The following GABRG3 variants were observed in gnomAD, a reference collection of about 807,000 sequenced individuals.
The protein encoded by GABRG3 is gamma-aminobutyric acid type A receptor subunit gamma3.
GABRG3 carries 25 observed loss-of-function variants against 48.8 expected under a neutral mutation model. That is an observed-to-expected ratio of 0.51 (90% CI 0.37 to 0.72). The LOEUF (loss-of-function observed/expected upper bound fraction) is 0.72, where lower values mean the gene tolerates loss of function less well. Ranked by LOEUF, GABRG3 falls within the 30% of genes least tolerant of loss-of-function variation. GABRG3 has a pLI of 0.00. For synonymous variants in GABRG3, 227 were observed against 217.6 expected (o/e 1.04, Z -0.38); for missense variants, 394 against 577.9 (o/e 0.68, Z 3.26).
intron 3 of GABRG3, among the ~76,000 whole-genome samples, chr15:27,049,370 A>C (rs77810095): frequency 6.6e-6 from 1 of 152,152 alleles, no homozygotes. Flanking sequence ...GAATTTCACT[A>C]TCTTCCTGGA....
intron 3 of GABRG3, among the ~76,000 whole-genome samples, chr15:27,124,615 T>C (rs939817826): frequency 2.6e-5 from 4 of 152,218 alleles, no homozygotes; most frequent in Non-Finnish European, 4.4e-5. Flanking sequence ...TTCCTGGTAA[T>C]GCCTCAGTCT....
intron 3 of GABRG3, among the ~76,000 whole-genome samples, chr15:27,042,003 T>G (rs1264966198): frequency 6.6e-6 from 1 of 152,198 alleles, no homozygotes; most frequent in African/African-American, 2.4e-5. Flanking sequence ...AATGCAGGTC[T>G]CCTCTTTTAG....
At chr15:27,267,798 T>C (rs1890967651) in intron 3 of GABRG3, among the ~76,000 whole-genome samples, 1 of 152,188 alleles carries the variant, frequency 6.6e-6, no homozygotes, top group African/African-American at 2.4e-5. Flanking sequence ...ATGCTTTCCT[T>C]TTTTAGTTTA....
chr15:27,051,839 G>A (rs1896460740), intron 3 of GABRG3, among the ~76,000 whole-genome samples: 1 of 152,272 alleles, frequency 6.6e-6, no homozygotes. Context: ...TTGTTTTCTA[G>A]CAATTAGATG....
At chr15:27,245,386 CTTAA>C (rs1453706972) in intron 3 of GABRG3, among the ~76,000 whole-genome samples, 2 of 152,058 alleles carry the variant, frequency 1.3e-5, no homozygotes, top group Non-Finnish European at 2.9e-5. Context: ...ATGTCTAGTA[CTTAA>C]TTAATTTTAG....
At chr15:26,991,036 C>G (rs1234678607) in intron 2 of GABRG3, among the ~76,000 whole-genome samples, 1 of 152,050 alleles carries the variant, frequency 6.6e-6, no homozygotes, top group East Asian at 1.9e-4. Context: ...AACTCCTGAC[C>G]TCGTGATCCA....
chr15:27,274,806 C>T (rs1891203351), intron 3 of GABRG3, among the ~76,000 whole-genome samples: 1 of 152,184 alleles, frequency 6.6e-6, no homozygotes, highest in East Asian at 1.9e-4. Context: ...ATTATTATAT[C>T]ATCCTACCTA....
At chr15:26,999,343 A>C (rs1054347886) in intron 2 of GABRG3, among the ~76,000 whole-genome samples, 3 of 152,274 alleles carry the variant, frequency 2.0e-5, no homozygotes, top group African/African-American at 7.2e-5. Context: ...ATGGATTTTG[A>C]TATAGACAGA....
At chr15:27,159,624 T>C (rs1050418383) in intron 3 of GABRG3, among the ~76,000 whole-genome samples, 1 of 152,148 alleles carries the variant, frequency 6.6e-6, no homozygotes, top group African/African-American at 2.4e-5. Flanking sequence ...TCAGCTACAT[T>C]GATGCCTCCT....
At chr15:27,257,106 A>G (rs1178020084) in intron 3 of GABRG3, among the ~76,000 whole-genome samples, 3 of 152,184 alleles carry the variant, frequency 2.0e-5, no homozygotes. Context: ...GATCATAATC[A>G]TTCTAACTGT....
chr15:27,494,093 T>A (rs57505876), intron 6 of GABRG3, among the ~76,000 whole-genome samples: 5,008 of 152,184 alleles, frequency 0.033, 284 homozygotes, highest in African/African-American at 0.11. Flanking sequence ...GTTGCATTGA[T>A]CGATTTTCAA....
At chr15:27,056,786 T>C (rs1896556387) in intron 3 of GABRG3, among the ~76,000 whole-genome samples, 1 of 152,180 alleles carries the variant, frequency 6.6e-6, no homozygotes, top group Non-Finnish European at 1.5e-5. Context: ...CTGCAATAAA[T>C]GGAACTCGTT....
intron 3 of GABRG3, among the ~76,000 whole-genome samples, chr15:27,205,197 A>G (rs1285479017): frequency 6.6e-6 from 1 of 152,104 alleles, no homozygotes; most frequent in Non-Finnish European, 1.5e-5. Flanking sequence ...TGGATTTGTC[A>G]TAGATGGCTG....
rs776826292 is a variant in GABRG3, at chr15:27,026,761, G to T, written c.210G>T (p.Pro70=). ...ATGTATTTTTCTCCACAGTAAAACCGACCGTAATTGACGTTGACATTTATG... is the reference window on the plus strand; with the variant it reads ...ATGTATTTTTCTCCACAGTAAAACCTACCGTAATTGACGTTGACATTTATG... ...KKLRPDIGIK[P]TVIDVDIYVN... Residue 70 remains proline, a synonymous_variant, in exon 3 of 10, where the codon CCG becomes CCT. Transcript: ENST00000615808. The T allele has an allele frequency of 6.2e-7, 1 of 1,610,952 alleles. No individual in the cohort carries two copies. The highest frequency in any genetic ancestry group is 8.5e-7 in the Non-Finnish European group (1 of 1,178,882).
intron 3 of GABRG3, among the ~76,000 whole-genome samples, chr15:27,113,756 A>G (rs1406810090): frequency 6.6e-6 from 1 of 152,136 alleles, no homozygotes; most frequent in African/African-American, 2.4e-5. Context: ...ATAGTCTCCT[A>G]GATGACTGAA....
chr15:27,283,773 G>T (rs980514137), intron 3 of GABRG3, among the ~76,000 whole-genome samples: 5 of 152,164 alleles, frequency 3.3e-5, no homozygotes, highest in African/African-American at 1.2e-4. Flanking sequence ...GAGACTCACA[G>T]CCATGTTGGT....
intron 3 of GABRG3, among the ~76,000 whole-genome samples, chr15:27,258,406 C>T (rs76695879): frequency 0.025 from 3,767 of 152,168 alleles, 164 homozygotes; most frequent in African/African-American, 0.087. Flanking sequence ...TCTGTAACTC[C>T]TGGTTCTGAG....
intron 5 of GABRG3, among the ~76,000 whole-genome samples, chr15:27,380,773 T>A (rs1226289000): frequency 6.7e-6 from 1 of 150,178 alleles, no homozygotes; most frequent in African/African-American, 2.4e-5. Context: ...GTTTTTTTTT[T>A]TTTTTTTTGA....
chr15:27,405,676 A>T (rs1216170545), intron 5 of GABRG3, among the ~76,000 whole-genome samples: 3 of 147,578 alleles, frequency 2.0e-5, no homozygotes, highest in Admixed American at 2.0e-4. Flanking sequence ...AGGTGAATTG[A>T]TAAATAATGG....
Sources: allele counts gnomAD v4.1 joint callset (sites outside exome capture counted in the v4.1 genomes callset), GRCh38; gene constraint gnomAD v4.1.1; transcripts MANE v1.5; gene names NCBI Gene and HGNC (gene_info 2026-07-23, HGNC 2026-07-21).